SYNE1: variants seen among roughly 807,000 people sequenced by gnomAD.
SYNE1 encodes the protein spectrin repeat containing nuclear envelope protein 1, also known as nesprin-1.
SYNE1 carries 616 observed loss-of-function variants against 1,111.0 expected under a neutral mutation model. The observed-to-expected ratio is 0.55, with a 90% confidence interval of 0.52 to 0.59. The LOEUF is 0.59. Ranked by LOEUF, SYNE1 falls within the 20% of genes least tolerant of loss-of-function variation. The pLI is 0.00. For missense variants in SYNE1, 10,006 were observed against 10,417.0 expected, an observed-to-expected ratio of 0.96 and a Z score of 1.72; for synonymous variants, 3,855 against 3,825.8, an observed-to-expected ratio of 1.01 and a Z score of -0.28.
chr6:152,488,948 A>G (rs2098955798), intron 11 of SYNE1, among the ~76,000 whole-genome samples: 1 of 152,176 alleles, frequency 6.6e-6, no homozygotes, highest in African/African-American at 2.4e-5. Flanking sequence ...TGACTTGTCT[A>G]TATTACTATT....
chr6:152,445,461 C>T (rs1465589457), intron 29 of SYNE1, among the ~76,000 whole-genome samples: 5 of 152,026 alleles, frequency 3.3e-5, no homozygotes, highest in Non-Finnish European at 5.9e-5. Flanking sequence ...GAAGCCTATC[C>T]TTTATCTTCA....
In SYNE1 at chr6:152,214,904, A is replaced by G. The variant is rs991421087; in HGVS notation, c.22346+2T>C. ...AACCAAGACATCTCTTGTTTACTCTACCTGAATCTTTCTGTAGTCTGAGAG... is the reference window on the plus strand; with the variant it reads ...AACCAAGACATCTCTTGTTTACTCTGCCTGAATCTTTCTGTAGTCTGAGAG... On this transcript the variant is annotated splice_donor_variant, in intron 122 of 145. Transcript: ENST00000367255. LOFTEE classifies it high-confidence loss of function. 1 of 1,614,126 alleles carries G rather than the reference A, an allele frequency of 6.2e-7. No individual in the cohort carries two copies. The highest frequency in any genetic ancestry group is 8.5e-7 in the Non-Finnish European group (1 of 1,179,988).
At position 152,277,180 on chromosome 6, in the gene SYNE1, G is replaced by T. The variant is rs374823187; in HGVS notation, c.18573+909C>A. ...GCTGGGATTACAGGTGTGAGCCACC[G>T]CACCTGGCCTGTGTACTTTTTATCC... On this transcript the variant is annotated intron_variant, in intron 98 of 145. Coordinates refer to ENST00000367255, the MANE Select transcript of SYNE1 (RefSeq NM_182961.4). 2.9e-4 allele frequency among the ~76,000 whole-genome samples: 43 copies of T among 150,442 alleles called. No individual in the cohort carries two copies. The South Asian group carries it at 3.4e-3, about 12-fold the overall frequency.
rs144797013 is a variant in SYNE1 at position 152,413,380 on chromosome 6, C to G, written c.6202G>C (p.Asp2068His). The G allele has an allele frequency of 6.2e-7, 1 of 1,614,088 alleles. No individual in the cohort carries two copies. The highest frequency in any genetic ancestry group is 8.5e-7 in the Non-Finnish European group (1 of 1,180,018). ...TCATGAATTAGTCTTTTGGTATCATCCCAGGTGACCTCTAAGCGGTTTATC... is the reference window on the plus strand; with the variant it reads ...TCATGAATTAGTCTTTTGGTATCATGCCAGGTGACCTCTAAGCGGTTTATC... ...REINRLEVTW[D>H]DTKRLIHENQ... The change falls in exon 42 of 146, where the codon GAT becomes CAT. Residue 2068 changes from aspartate (D) to histidine (H), a missense_variant. Physicochemically the swap from Asp to His is moderately conservative, Grantham distance 81. This residue lies in a region of SYNE1 where 4,955 missense variants were observed against 5,017.2 expected (regional missense o/e 0.99). Coordinates refer to ENST00000367255, the MANE Select transcript of SYNE1 (RefSeq NM_182961.4).
At chr6:152,342,351 G>A (rs1394957236) in intron 74 of SYNE1, among the ~76,000 whole-genome samples, 1 of 152,232 alleles carries the variant, frequency 6.6e-6, no homozygotes, top group Non-Finnish European at 1.5e-5. Flanking sequence ...ACAGCCACAA[G>A]ACAAGGTGGC....
chr6:152,314,688 C>A (rs1025829959), intron 87 of SYNE1, among the ~76,000 whole-genome samples: 1 of 152,010 alleles, frequency 6.6e-6, no homozygotes, highest in Non-Finnish European at 1.5e-5. Context: ...AATAAACAAA[C>A]GCTTGTATTC....
At position 152,478,304 on chromosome 6, in the gene SYNE1, T is replaced by C. The variant is rs75343833; in HGVS notation, c.1350+4781A>G. The stretch of plus-strand genomic sequence containing the variant: ...TTTGCTGTAAAAGGAAGGAAGAAAA[T>C]TGGACAGTAGCTGGGAGGGGAAGTG... On this transcript the variant is annotated intron_variant, in intron 14 of 145. Coordinates refer to ENST00000367255, the MANE Select transcript of SYNE1 (RefSeq NM_182961.4). 4.3e-3 allele frequency among the ~76,000 whole-genome samples: 649 copies of C among 152,078 alleles called. 6 individuals carry two copies. Among genetic ancestry groups the C allele is most frequent in the African/African-American group, 0.015 (619 of 41,468 alleles).
chr6:152,446,430 T>C (rs1488944175), intron 29 of SYNE1, among the ~76,000 whole-genome samples: 1 of 152,124 alleles, frequency 6.6e-6, no homozygotes, highest in Non-Finnish European at 1.5e-5. Context: ...AATTCTCACA[T>C]AAAACTAAAA....
At chr6:152,620,401 C>T (rs1022039257) in intron 3 of SYNE1, among the ~76,000 whole-genome samples, 8 of 152,196 alleles carry the variant, frequency 5.3e-5, no homozygotes, top group African/African-American at 1.9e-4. Flanking sequence ...CAAATGTTTT[C>T]TCCTGCTGTG....
In SYNE1 at chr6:152,207,993, C is replaced by A. The variant is rs2076837188; in HGVS notation, c.22803G>T (p.Arg7601Ser). The A allele has an allele frequency of 6.2e-7, 1 of 1,614,046 alleles. No homozygotes were observed. The highest frequency in any genetic ancestry group is 1.3e-5 in the African/African-American group (1 of 74,922). The change falls in exon 125 of 146, where the codon AGG becomes AGT. Residue 7601 changes from arginine (R) to serine (S), a missense_variant. Physicochemically the swap from Arg to Ser is moderately radical, Grantham distance 110. Around this residue, in one of 7 missense-constraint regions of SYNE1, gnomAD observed 2,182 missense variants for 2,287.8 expected, o/e 0.95. Coordinates refer to ENST00000367255, the MANE Select transcript of SYNE1 (RefSeq NM_182961.4). ...GSVPIPLQQA[R>S]TLFDEVQFKE... ...TTACCTGCACTTCATCAAAGAGGGT[C>A]CTTGCTTGTTGCAGTGGTATAGGAA...
At chr6:152,440,473 A>T (rs1017062107) in intron 32 of SYNE1, among the ~76,000 whole-genome samples, 3 of 152,042 alleles carry the variant, frequency 2.0e-5, no homozygotes, top group Non-Finnish European at 4.4e-5. Context: ...GCTCTATGCC[A>T]TTCCACCTTC....
chr6:152,203,196 T>C (rs2075857721), intron 126 of SYNE1, among the ~76,000 whole-genome samples: 3 of 152,238 alleles, frequency 2.0e-5, no homozygotes, highest in Admixed American at 6.5e-5. Context: ...TTACTCTGTA[T>C]AGTTAAATTA....
chr6:152,595,094 T>G (rs1180907993), intron 3 of SYNE1, among the ~76,000 whole-genome samples: 1 of 152,192 alleles, frequency 6.6e-6, no homozygotes, highest in Non-Finnish European at 1.5e-5. Context: ...CCTTTTCAGG[T>G]TCCTTTGCGG....
intron 115 of SYNE1, among the ~76,000 whole-genome samples, chr6:152,227,409 G>A (rs1023564365): frequency 6.6e-6 from 1 of 151,862 alleles, no homozygotes; most frequent in African/African-American, 2.4e-5. Context: ...TTTTGTTTTG[G>A]TTAATTAGTT....
chr6:152,310,524 G>C lies in SYNE1; in HGVS notation c.16897-6C>G, dbSNP rs372179792. ...GCTTCAAATTTTTTCATATCCTAGA[G>C]AGTCAATATCAATGTATTGTACTTG... On this transcript the variant is annotated splice_polypyrimidine_tract_variant and splice_region_variant and intron_variant, in intron 88 of 145. Coordinates refer to ENST00000367255, the MANE Select transcript of SYNE1 (RefSeq NM_182961.4). The C allele has an allele frequency of 2.5e-6, 4 of 1,613,968 alleles. No homozygotes were observed. The highest frequency in any genetic ancestry group is 3.4e-6 in the Non-Finnish European group (4 of 1,180,042).
chr6:152,581,992 C>T (rs2099521381), intron 3 of SYNE1, among the ~76,000 whole-genome samples: 2 of 151,946 alleles, frequency 1.3e-5, no homozygotes, highest in East Asian at 1.9e-4. Context: ...TGCTCTATAT[C>T]CCAGTACTCA....
intron 139 of SYNE1, among the ~76,000 whole-genome samples, chr6:152,140,826 G>A (rs1233344419): frequency 6.6e-6 from 1 of 152,126 alleles, no homozygotes; most frequent in Non-Finnish European, 1.5e-5. Context: ...GAGGTCAGGA[G>A]ATGGAGACCA....
chr6:152,325,485 G>A (rs1235772053), intron 80 of SYNE1, among the ~76,000 whole-genome samples, 183 bp from the exon 81 acceptor site: 2 of 152,102 alleles, frequency 1.3e-5, no homozygotes, highest in African/African-American at 4.8e-5. Context: ...GAGTCTTAAA[G>A]CTTTTTAAAG....
At chr6:152,167,917 T>G in intron 130 of SYNE1, 1 of 766,076 alleles carries the variant, frequency 1.3e-6, no homozygotes, top group African/African-American at 1.7e-5. Flanking sequence ...CAGCTCTGCA[T>G]GCCCAGTAGA....
Sources: gnomAD v4.1 joint callset for allele counts (sites outside exome capture counted in the v4.1 genomes callset) on GRCh38, gnomAD v4.1.1 for gene constraint, gnomAD v4.1.1 regional missense constraint, MANE v1.5 for transcripts, NCBI Gene and HGNC (gene_info 2026-07-23, HGNC 2026-07-21) for gene names.